Variants in CCSER1 observed in about 807,000 individuals in gnomAD.
CCSER1 encodes the protein serine-rich coiled-coil domain-containing protein 1.
CCSER1 carries 41 observed loss-of-function variants against 82.0 expected under a neutral mutation model. The ratio of observed to expected loss-of-function variants is 0.50; its 90% CI spans 0.39 to 0.65. The LOEUF (loss-of-function observed/expected upper bound fraction) is 0.65. Ranked by LOEUF, CCSER1 falls within the 30% of genes least tolerant of loss-of-function variation. CCSER1 has a pLI of 0.00. For synonymous variants in CCSER1, 414 were observed against 383.9 expected, an observed-to-expected ratio of 1.08 and a Z score of -0.92; for missense variants, 1,119 against 1,064.2, an observed-to-expected ratio of 1.05 and a Z score of -0.72.
chr4:90,425,520 A>G (rs1001920174), intron 4 of CCSER1, among the ~76,000 whole-genome samples: 4 of 152,200 alleles, frequency 2.6e-5, no homozygotes, highest in African/African-American at 9.7e-5. Context: ...GCCCAAAGGC[A>G]CAGTCTCCGC....
rs373785500 is a variant in CCSER1, at chr4:91,142,087, TC to T, written c.2217+56097del. Among the ~76,000 whole-genome samples the T allele has an allele frequency of 4.5e-3, 678 of 152,276 alleles. 8 individuals carry two copies. The highest frequency in any genetic ancestry group is 0.015 in the African/African-American group (626 of 41,578). ...TACCCTGTGATATGGTTTTGTTGTG[TC>T]CCCACCCATATTTCACCTTGAATTG... On this transcript the variant is annotated intron_variant, in intron 10 of 10. Transcript: ENST00000509176.
At chr4:90,218,938 A>G (rs996608253) in intron 1 of CCSER1, among the ~76,000 whole-genome samples, 2 of 152,154 alleles carry the variant, frequency 1.3e-5, no homozygotes, top group Non-Finnish European at 2.9e-5. Flanking sequence ...AGGGGGTTAT[A>G]CTATTGAGAT....
chr4:90,848,019 C>T lies in CCSER1; in HGVS notation c.2094+32174C>T, dbSNP rs541002516. Among the ~76,000 whole-genome samples the T allele has an allele frequency of 2.6e-5, 4 of 152,240 alleles. 1 individual carries two copies. In the South Asian group the frequency reaches 8.3e-4, roughly 32 times the overall value. On this transcript the variant is annotated intron_variant, in intron 8 of 10. Coordinates refer to ENST00000509176, the MANE Select transcript of CCSER1 (RefSeq NM_001145065.2). ...ATAATTAGATAAGACTGATGTTTCT[C>T]ATTTTGATTATCAGGAAGGTTTGTT...
chr4:91,131,909 A>AT (rs1728032146), intron 10 of CCSER1, among the ~76,000 whole-genome samples: 1 of 151,902 alleles, frequency 6.6e-6, no homozygotes, highest in Non-Finnish European at 1.5e-5. Context: ...TGGCTGTATG[A>AT]TTTTGGATGA....
At position 90,252,083 on chromosome 4, in the gene CCSER1, G is replaced by A. The variant is rs1019574339; in HGVS notation, c.-41-56161G>A. Among the ~76,000 whole-genome samples the A allele has an allele frequency of 4.6e-5, 7 of 151,916 alleles. No homozygotes were observed. The South Asian group carries it at 8.3e-4, about 18-fold the overall frequency. On this transcript the variant is annotated intron_variant, in intron 1 of 10. Transcript: ENST00000509176. ...ATGCTTCTTTTTAAATACAGGTTGAGTATCCCGTATCTGAAATGCATGGAA... is the reference window on the plus strand; with the variant it reads ...ATGCTTCTTTTTAAATACAGGTTGAATATCCCGTATCTGAAATGCATGGAA...
intron 1 of CCSER1, among the ~76,000 whole-genome samples, chr4:90,249,370 C>A (rs942916537): frequency 6.6e-6 from 1 of 152,078 alleles, no homozygotes; most frequent in African/African-American, 2.4e-5. Flanking sequence ...ACAAGTCAAC[C>A]ATTTAAAGTA....
chr4:91,304,342 G>A (rs1004803927), intron 10 of CCSER1, among the ~76,000 whole-genome samples: 1 of 151,928 alleles, frequency 6.6e-6, no homozygotes, highest in Non-Finnish European at 1.5e-5. Context: ...GTAAATATTA[G>A]GTTTAATAAG....
chr4:90,271,852 A>ATATATATATG (rs1726472927), intron 1 of CCSER1, among the ~76,000 whole-genome samples: 2 of 24,426 alleles, frequency 8.2e-5, no homozygotes, highest in African/African-American at 8.2e-4. Flanking sequence ...ATATATATAT[A>ATATATATATG]TATATATATA....
Position 91,544,736 on chromosome 4 carries a change from C to T in CCSER1, c.2218-53836C>T, listed in dbSNP as rs1485225413. Among the ~76,000 whole-genome samples the T allele has an allele frequency of 2.0e-5, 3 of 152,172 alleles. No individual in the cohort carries two copies. In the East Asian group the frequency reaches 5.8e-4, roughly 29 times the overall value. ...GTCTGCCCCTACTGGGGGGTGCCTCCCAGTTAGGCTACTCGGGGGTCAGGG... is the reference window on the plus strand; with the variant it reads ...GTCTGCCCCTACTGGGGGGTGCCTCTCAGTTAGGCTACTCGGGGGTCAGGG... On this transcript the variant is annotated intron_variant, in intron 10 of 10. Transcript: ENST00000509176.
At chr4:90,402,455 G>T (rs185823683) in intron 4 of CCSER1, among the ~76,000 whole-genome samples, 1 of 152,014 alleles carries the variant, frequency 6.6e-6, no homozygotes, top group Non-Finnish European at 1.5e-5. Flanking sequence ...TACCAATATC[G>T]TATATAGGCT....
intron 10 of CCSER1, among the ~76,000 whole-genome samples, chr4:91,416,554 C>T (rs180726318): frequency 1.1e-4 from 17 of 152,076 alleles, no homozygotes; most frequent in African/African-American, 3.4e-4. Flanking sequence ...AGACTGCATA[C>T]CTGCAATCAT....
At chr4:90,347,311 C>A (rs1177739292) in intron 3 of CCSER1, among the ~76,000 whole-genome samples, 1 of 148,600 alleles carries the variant, frequency 6.7e-6, no homozygotes, top group Non-Finnish European at 1.5e-5. Flanking sequence ...TTAACATAAG[C>A]TCTATCTATC....
At chr4:91,165,919 C>A (rs72872954) in intron 10 of CCSER1, among the ~76,000 whole-genome samples, 1 of 152,194 alleles carries the variant, frequency 6.6e-6, no homozygotes, top group Non-Finnish European at 1.5e-5. Flanking sequence ...AGCTTTGGCT[C>A]ACCCTCCATG....
intron 4 of CCSER1, among the ~76,000 whole-genome samples, chr4:90,403,613 A>C (rs1753265516): frequency 6.6e-6 from 1 of 152,188 alleles, no homozygotes. Flanking sequence ...TGTTTTTAAT[A>C]AAAGAACAGC....
intron 10 of CCSER1, among the ~76,000 whole-genome samples, chr4:91,222,006 T>C (rs1453436072): frequency 2.0e-5 from 3 of 151,970 alleles, no homozygotes; most frequent in Non-Finnish European, 4.4e-5. Context: ...CTCTAATGCA[T>C]GTTCTATGAA....
intron 1 of CCSER1, among the ~76,000 whole-genome samples, chr4:90,170,072 A>G (rs1305173083): frequency 6.6e-6 from 1 of 151,876 alleles, no homozygotes; most frequent in East Asian, 1.9e-4. Context: ...TGGTTTCTCT[A>G]AAAGTTTCCA....
At chr4:90,451,882 A>C (rs1761504966) in intron 4 of CCSER1, among the ~76,000 whole-genome samples, 1 of 152,162 alleles carries the variant, frequency 6.6e-6, no homozygotes, top group Non-Finnish European at 1.5e-5. Flanking sequence ...CATGAATAAT[A>C]ATCTGTTAAT....
intron 1 of CCSER1, among the ~76,000 whole-genome samples, chr4:90,175,286 A>T (rs760181113): frequency 1.3e-5 from 2 of 152,038 alleles, no homozygotes; most frequent in Non-Finnish European, 1.5e-5. Context: ...TTTTTATACA[A>T]TTCTAGAAAA....
At chr4:90,397,192 A>G (rs955120136) in intron 3 of CCSER1, among the ~76,000 whole-genome samples, 3 of 152,204 alleles carry the variant, frequency 2.0e-5, no homozygotes, top group Non-Finnish European at 2.9e-5. Context: ...TTTAGGAAGC[A>G]ATTCATCTAG....
Sources: allele counts gnomAD v4.1 joint callset (sites outside exome capture counted in the v4.1 genomes callset), GRCh38; gene constraint gnomAD v4.1.1; transcripts MANE v1.5; gene names NCBI Gene and HGNC (gene_info 2026-07-23, HGNC 2026-07-21).